The following MLLT3 variants were observed in gnomAD, a reference collection of about 807,000 sequenced individuals.
MLLT3 encodes the protein protein AF-9.
Under a neutral mutation model 53.2 loss-of-function variants are expected in MLLT3, and 4 were observed. The ratio of observed to expected loss-of-function variants is 0.08; its 90% confidence interval spans 0.04 to 0.17. The LOEUF (loss-of-function observed/expected upper bound fraction) is 0.17, where lower values mean the gene tolerates loss of function less well. Among genes scored for constraint, MLLT3 ranks in the 10% least tolerant of loss-of-function variants. MLLT3 has a pLI of 1.00. For synonymous variants in MLLT3, 283 were observed against 230.6 expected, an observed-to-expected ratio of 1.23 and a Z score of -2.06; for missense variants, 569 against 684.0, an observed-to-expected ratio of 0.83 and a Z score of 1.87.
intron 9 of MLLT3, 67 bp downstream of exon 9, chr9:20,354,741 G>A (rs997138998): frequency 1.9e-6 from 2 of 1,045,508 alleles, no homozygotes; most frequent in Non-Finnish European, 1.5e-6. Context: ...GGATGATCAA[G>A]GGCAACACAA....
At chr9:20,348,282 T>C (rs1548375) in intron 10 of MLLT3, among the ~76,000 whole-genome samples, 59,297 of 152,094 alleles carry the variant, frequency 0.39, 16,502 homozygotes, top group African/African-American at 0.79. Flanking sequence ...AACTACAATG[T>C]TTGCCTCCCC....
intron 4 of MLLT3, among the ~76,000 whole-genome samples, chr9:20,419,105 G>C (rs1488168349): frequency 6.6e-6 from 1 of 152,036 alleles, no homozygotes; most frequent in Non-Finnish European, 1.5e-5. Context: ...CAGATTTTCT[G>C]GAGGAGAAAG....
chr9:20,391,611 G>C (rs866254864), intron 5 of MLLT3, among the ~76,000 whole-genome samples: 40 of 152,162 alleles, frequency 2.6e-4, no homozygotes, highest in African/African-American at 8.4e-4. Flanking sequence ...ATATTTTCAT[G>C]AGAAAATATG....
At chr9:20,470,907 G>T (rs1428788969) in intron 2 of MLLT3, among the ~76,000 whole-genome samples, 1 of 151,830 alleles carries the variant, frequency 6.6e-6, no homozygotes, top group East Asian at 1.9e-4. Context: ...TTTCCTACTT[G>T]CAACAAAAAG....
At chr9:20,475,359 C>A (rs74758296) in intron 2 of MLLT3, among the ~76,000 whole-genome samples, 4,476 of 152,150 alleles carry the variant, frequency 0.029, 221 homozygotes, top group African/African-American at 0.1. Context: ...CAACTTTTCA[C>A]AAAGATACCC....
At chr9:20,538,100 A>G (rs34086022) in intron 2 of MLLT3, among the ~76,000 whole-genome samples, 30,280 of 152,114 alleles carry the variant, frequency 0.2, 3,078 homozygotes, top group Middle Eastern at 0.24. Flanking sequence ...TTTGTGCCCC[A>G]TGTGTTCATT....
chr9:20,477,696 A>G (rs914237104), intron 2 of MLLT3, among the ~76,000 whole-genome samples: 2 of 152,182 alleles, frequency 1.3e-5, no homozygotes, highest in Admixed American at 1.3e-4. Flanking sequence ...AGAGCTAGTG[A>G]CCTTTCTGGC....
At chr9:20,420,012 G>C (rs1468612166) in intron 4 of MLLT3, among the ~76,000 whole-genome samples, 1 of 152,100 alleles carries the variant, frequency 6.6e-6, no homozygotes, top group Non-Finnish European at 1.5e-5. Flanking sequence ...GAATGAAAGA[G>C]GATTAGGGTG....
intron 4 of MLLT3, among the ~76,000 whole-genome samples, chr9:20,421,357 G>C (rs191213517): frequency 6.6e-6 from 1 of 152,120 alleles, no homozygotes; most frequent in East Asian, 1.9e-4. Flanking sequence ...TGGAGGCACA[G>C]AAAAACATGC....
At chr9:20,465,996 G>A (rs1824229336) in intron 2 of MLLT3, among the ~76,000 whole-genome samples, 1 of 152,032 alleles carries the variant, frequency 6.6e-6, no homozygotes, top group Non-Finnish European at 1.5e-5. Flanking sequence ...TTTCCAAACT[G>A]TGTTCCAGGA....
At chr9:20,505,012 G>C (rs1384558917) in intron 2 of MLLT3, among the ~76,000 whole-genome samples, 2 of 152,052 alleles carry the variant, frequency 1.3e-5, no homozygotes, top group South Asian at 4.2e-4. Context: ...AAAAAGAAGG[G>C]CTCACCATAA....
intron 5 of MLLT3, among the ~76,000 whole-genome samples, chr9:20,372,381 T>C (rs1167050357): frequency 6.6e-6 from 1 of 152,020 alleles, no homozygotes; most frequent in African/African-American, 2.4e-5. Flanking sequence ...TGCAGCAAAC[T>C]GCATTGTCTT....
intron 2 of MLLT3, among the ~76,000 whole-genome samples, chr9:20,562,583 T>A (rs1819243997): frequency 6.6e-6 from 1 of 151,682 alleles, no homozygotes; most frequent in Non-Finnish European, 1.5e-5. Flanking sequence ...AAACTGCAAA[T>A]GCAAAAAAAG....
intron 5 of MLLT3, among the ~76,000 whole-genome samples, chr9:20,376,274 C>A (rs1248487015): frequency 6.6e-6 from 1 of 152,062 alleles, no homozygotes; most frequent in African/African-American, 2.4e-5. Flanking sequence ...ATTACGACAA[C>A]TTGAATGAAT....
rs141598655 is a variant in MLLT3 at position 20,592,658 on chromosome 9, A to T, written c.193+27996T>A. 4.2e-3 allele frequency among the ~76,000 whole-genome samples: 633 copies of T among 152,328 alleles called. 4 individuals carry two copies. The highest frequency in any genetic ancestry group is 0.014 in the Middle Eastern group (4 of 294). On this transcript the variant is annotated intron_variant, in intron 2 of 10. Coordinates refer to ENST00000380338, the MANE Select transcript of MLLT3 (RefSeq NM_004529.4). ...ACATAATTTGGCACATAACATTATA[A>T]CTGGCTATAATTTTTATAACTTAAA... is the stretch of plus-strand genomic sequence containing the variant.
chr9:20,535,686 A>AT (rs1818463854), intron 2 of MLLT3, among the ~76,000 whole-genome samples: 1 of 152,204 alleles, frequency 6.6e-6, no homozygotes. Flanking sequence ...CCAGCCCTGA[A>AT]CCAGCAGGGT....
At chr9:20,451,081 A>AC (rs1371706719) in intron 3 of MLLT3, among the ~76,000 whole-genome samples, 1 of 152,232 alleles carries the variant, frequency 6.6e-6, no homozygotes, top group Non-Finnish European at 1.5e-5. Context: ...CATCATTACC[A>AC]CATAACACCA....
chr9:20,537,084 A>G (rs1054280893), intron 2 of MLLT3, among the ~76,000 whole-genome samples: 1 of 152,236 alleles, frequency 6.6e-6, no homozygotes, highest in African/African-American at 2.4e-5. Flanking sequence ...AAAGTAGCCA[A>G]TTATTTAAGG....
chr9:20,526,836 G>A, intron 2 of MLLT3, among the ~76,000 whole-genome samples: 1 of 152,144 alleles, frequency 6.6e-6, no homozygotes, highest in East Asian at 1.9e-4. Flanking sequence ...CAATTCTGGT[G>A]GTGGTGTAGT....
Sources: gnomAD v4.1 joint callset for allele counts (sites outside exome capture counted in the v4.1 genomes callset) on GRCh38, gnomAD v4.1.1 for gene constraint, MANE v1.5 for transcripts, NCBI Gene and HGNC (gene_info 2026-07-23, HGNC 2026-07-21) for gene names.